Variants in CSMD3 observed in about 807,000 individuals in gnomAD.
CSMD3 encodes the protein CUB and Sushi multiple domains 3.
Under a neutral mutation model 435.2 loss-of-function variants are expected in CSMD3, and 177 were observed. The ratio of observed to expected loss-of-function variants is 0.41; its 90% CI spans 0.36 to 0.46. The LOEUF is 0.46. Ranked by LOEUF, CSMD3 falls within the 20% of genes least tolerant of loss-of-function variation. The probability of loss-of-function intolerance (pLI) is 0.34; values close to 1 mark genes in which losing one functional copy is unlikely to be tolerated. For missense variants in CSMD3, 4,265 were observed against 4,504.6 expected (o/e 0.95, Z 1.52); for synonymous variants, 1,656 against 1,520.5 (o/e 1.09, Z -2.07).
intron 7 of CSMD3, among the ~76,000 whole-genome samples, chr8:112,964,908 C>T (rs1333483415): frequency 1.3e-5 from 2 of 152,060 alleles, no homozygotes; most frequent in African/African-American, 4.8e-5. Flanking sequence ...TAACACCACG[C>T]TGTTCTGCCA....
chr8:113,367,554 A>G (rs1563751376), intron 1 of CSMD3, among the ~76,000 whole-genome samples: 1 of 152,118 alleles, frequency 6.6e-6, no homozygotes. Context: ...TTGGAATATT[A>G]TCTGAACTCT....
At chr8:113,086,581 A>G (rs1468929015) in intron 5 of CSMD3, among the ~76,000 whole-genome samples, 2 of 152,192 alleles carry the variant, frequency 1.3e-5, no homozygotes, top group Non-Finnish European at 2.9e-5. Context: ...TTAAATATTA[A>G]GAAAATATAT....
chr8:112,535,324 C>G (rs962893749), intron 27 of CSMD3, among the ~76,000 whole-genome samples: 1 of 152,174 alleles, frequency 6.6e-6, no homozygotes, highest in African/African-American at 2.4e-5. Flanking sequence ...TCGGCAAAGT[C>G]TCAGGATACA....
chr8:112,764,391 TA>T (rs943067546), intron 13 of CSMD3, among the ~76,000 whole-genome samples: 45 of 148,076 alleles, frequency 3.0e-4, no homozygotes, highest in Admixed American at 2.0e-3. Flanking sequence ...TTTCAGGATT[TA>T]AAAAAAAAAG....
At chr8:113,231,461 C>T (rs906895461) in intron 3 of CSMD3, among the ~76,000 whole-genome samples, 1 of 151,308 alleles carries the variant, frequency 6.6e-6, no homozygotes, top group Non-Finnish European at 1.5e-5. Context: ...AAAATAGTAG[C>T]TCAAGTACAC....
intron 23 of CSMD3, among the ~76,000 whole-genome samples, chr8:112,585,520 C>T (rs1252053431): frequency 6.6e-6 from 1 of 151,164 alleles, no homozygotes; most frequent in Non-Finnish European, 1.5e-5. Flanking sequence ...ATGCATGTGG[C>T]TTTACTCCAA....
At chr8:113,259,615 A>G (rs188359056) in intron 3 of CSMD3, among the ~76,000 whole-genome samples, 1 of 152,262 alleles carries the variant, frequency 6.6e-6, no homozygotes, top group East Asian at 1.9e-4. Context: ...TGCCATTCTA[A>G]TATCTAGAAA....
chr8:113,007,209 G>A (rs1421720203), intron 6 of CSMD3, among the ~76,000 whole-genome samples: 1 of 151,862 alleles, frequency 6.6e-6, no homozygotes, highest in Non-Finnish European at 1.5e-5. Context: ...TCTAGGGCTT[G>A]GAATTTTAAT....
chr8:112,896,522 T>C (rs1251812758), intron 10 of CSMD3, among the ~76,000 whole-genome samples: 13 of 151,142 alleles, frequency 8.6e-5, no homozygotes, highest in Admixed American at 6.6e-4. Context: ...TACCAAATTT[T>C]CTTTTACCCA....
intron 10 of CSMD3, among the ~76,000 whole-genome samples, chr8:112,883,935 T>C (rs1029138390): frequency 6.6e-6 from 1 of 151,896 alleles, no homozygotes; most frequent in African/African-American, 2.4e-5. Context: ...CTGGCAATGT[T>C]TGGGGCCAGA....
At chr8:113,150,360 C>T (rs181907670) in intron 4 of CSMD3, among the ~76,000 whole-genome samples, 20 of 152,016 alleles carry the variant, frequency 1.3e-4, no homozygotes, top group East Asian at 5.8e-4. Flanking sequence ...AGCAGCAGAT[C>T]CTCTACTGTT....
intron 10 of CSMD3, among the ~76,000 whole-genome samples, chr8:112,865,219 A>T (rs2080943006): frequency 6.6e-6 from 1 of 152,192 alleles, no homozygotes; most frequent in South Asian, 2.1e-4. Context: ...AGGCATTTAG[A>T]TTTGTGCCAG....
At position 112,596,770 on chromosome 8, in the gene CSMD3, G is replaced by T. The variant is rs531283815; in HGVS notation, c.3716-9535C>A. Among the ~76,000 whole-genome samples the T allele has an allele frequency of 4.8e-4, 73 of 152,104 alleles. 1 individual carries two copies. Among genetic ancestry groups the T allele is most frequent in the Middle Eastern group, 3.4e-3 (1 of 294 alleles). ...ACAACCTGCTCCTGAATGACTACTG[G>T]ATACATAATGAAATGAAGGCAGAAA... On this transcript the variant is annotated intron_variant, in intron 22 of 70. Coordinates refer to ENST00000297405, the MANE Select transcript of CSMD3 (RefSeq NM_198123.2).
intron 59 of CSMD3, among the ~76,000 whole-genome samples, chr8:112,280,102 G>A (rs2130566568): frequency 6.6e-6 from 1 of 152,140 alleles, no homozygotes; most frequent in Admixed American, 6.6e-5. Flanking sequence ...CACAATACAA[G>A]GCCATGCCTT....
At position 112,482,468 on chromosome 8, in the gene CSMD3, T is replaced by C. The variant is rs541533776; in HGVS notation, c.5279-9761A>G. 1.7e-3 allele frequency among the ~76,000 whole-genome samples: 258 copies of C among 152,290 alleles called. 2 individuals carry two copies. Among genetic ancestry groups the C allele is most frequent in the Middle Eastern group, 0.01 (3 of 294 alleles). ...TTCATGAGTTTTAAAACTAACACCA[T>C]TTTCTAATTTTAGAACATTTCCTTC... On this transcript the variant is annotated intron_variant, in intron 31 of 70. Transcript: ENST00000297405.
intron 11 of CSMD3, among the ~76,000 whole-genome samples, chr8:112,833,375 A>C (rs1447207298): frequency 6.6e-6 from 1 of 151,854 alleles, no homozygotes; most frequent in African/African-American, 2.4e-5. Flanking sequence ...TTTGTTATTG[A>C]AAGTGGTATT....
At chr8:113,374,121 T>G (rs1042899206) in intron 1 of CSMD3, among the ~76,000 whole-genome samples, 2 of 152,010 alleles carry the variant, frequency 1.3e-5, no homozygotes, top group Non-Finnish European at 2.9e-5. Flanking sequence ...CTATCCATAT[T>G]TACATTATAA....
chr8:112,269,483 G>A (rs140085369), intron 59 of CSMD3, among the ~76,000 whole-genome samples: 78 of 152,220 alleles, frequency 5.1e-4, no homozygotes, highest in Non-Finnish European at 9.0e-4. Flanking sequence ...AAATGAATAA[G>A]CACATGTCTT....
intron 16 of CSMD3, among the ~76,000 whole-genome samples, chr8:112,669,524 T>C (rs934722249): frequency 6.6e-6 from 1 of 152,166 alleles, no homozygotes; most frequent in African/African-American, 2.4e-5. Context: ...AAAAATGAGC[T>C]TGTGTATCTC....
Sources: allele counts gnomAD v4.1 joint callset (sites outside exome capture counted in the v4.1 genomes callset), GRCh38; gene constraint gnomAD v4.1.1; transcripts MANE v1.5; gene names NCBI Gene and HGNC (gene_info 2026-07-23, HGNC 2026-07-21).